KHDRBS3: variants seen among roughly 807,000 people sequenced by gnomAD.
KHDRBS3 encodes the protein KH domain-containing, RNA-binding, signal transduction-associated protein 3.
In KHDRBS3, 23 loss-of-function variants were observed where a neutral mutation model predicts 45.6. The observed-to-expected ratio is 0.50, with a 90% CI of 0.36 to 0.72. KHDRBS3 has a LOEUF of 0.72. Among genes scored for constraint, KHDRBS3 ranks in the 30% least tolerant of loss-of-function variants. The pLI is 0.00. For missense variants in KHDRBS3, 352 were observed against 424.8 expected (o/e 0.83, Z 1.51); for synonymous variants, 162 against 156.5 (o/e 1.04, Z -0.26).
Position 135,542,675 on chromosome 8 carries a change from T to C in KHDRBS3, c.229T>C (p.Leu77=), listed in dbSNP as rs1451381446. ...FPKFNFVGKL[L]GPRGNSLKRL... is the part of the protein sequence containing the mutation. The stretch of plus-strand genomic sequence containing the variant: ...CTAGTTCAACTTTGTGGGGAAACTT[T>C]TGGGTCCACGTGGCAATTCTCTGAA... The change falls in exon 3 of 9, where the codon TTG becomes CTG. Residue 77 remains leucine, a synonymous_variant. Coordinates refer to ENST00000355849, the MANE Select transcript of KHDRBS3 (RefSeq NM_006558.3). 3 of 1,613,288 alleles carry C rather than the reference T, an allele frequency of 1.9e-6. No individual in the cohort carries two copies. Among genetic ancestry groups the C allele is most frequent in the African/African-American group, 1.3e-5 (1 of 74,906 alleles).
chr8:135,535,858 G>A (rs1304055731), intron 2 of KHDRBS3, among the ~76,000 whole-genome samples: 1 of 152,164 alleles, frequency 6.6e-6, no homozygotes, highest in Non-Finnish European at 1.5e-5. Context: ...CTGCTTCTAA[G>A]ATGGTGCCTT....
At chr8:135,625,769 G>A in intron 7 of KHDRBS3, 1 of 764,656 alleles carries the variant, frequency 1.3e-6, no homozygotes, top group Non-Finnish European at 2.4e-6. Context: ...AGTTCTGGAT[G>A]CACCCGTGTT....
chr8:135,485,291 G>T (rs1267159980), intron 1 of KHDRBS3, among the ~76,000 whole-genome samples: 1 of 152,188 alleles, frequency 6.6e-6, no homozygotes, highest in African/African-American at 2.4e-5. Context: ...AAAGTGCTCT[G>T]GGAAGAGAAA....
At chr8:135,534,950 A>G (rs967840831) in intron 2 of KHDRBS3, among the ~76,000 whole-genome samples, 8 of 152,308 alleles carry the variant, frequency 5.3e-5, no homozygotes, top group Middle Eastern at 3.4e-3. Context: ...AACCAGCAGG[A>G]ACTGAGGTCC....
intron 4 of KHDRBS3, among the ~76,000 whole-genome samples, chr8:135,552,422 T>C (rs1475162041): frequency 6.6e-6 from 1 of 152,232 alleles, no homozygotes; most frequent in Non-Finnish European, 1.5e-5. Context: ...TTTTCATTGT[T>C]GGCAATACGC....
intron 5 of KHDRBS3, among the ~76,000 whole-genome samples, chr8:135,568,591 ACT>A (rs934191539): frequency 1.3e-5 from 2 of 152,304 alleles, no homozygotes; most frequent in African/African-American, 2.4e-5. Context: ...CCCAAAAGAA[ACT>A]CTGAGCTAAG....
At chr8:135,473,621 G>A (rs534405708) in intron 1 of KHDRBS3, among the ~76,000 whole-genome samples, 1 of 152,300 alleles carries the variant, frequency 6.6e-6, no homozygotes, top group African/African-American at 2.4e-5. Flanking sequence ...TTGGACAGGA[G>A]CAGGCTCACT....
chr8:135,580,249 A>G (rs1209775416), intron 5 of KHDRBS3, among the ~76,000 whole-genome samples: 2 of 152,182 alleles, frequency 1.3e-5, no homozygotes, highest in Non-Finnish European at 2.9e-5. Context: ...GGCACTTCCA[A>G]TGACCAGCCC....
At chr8:135,629,520 G>T (rs1486844227) in intron 7 of KHDRBS3, among the ~76,000 whole-genome samples, 1 of 152,202 alleles carries the variant, frequency 6.6e-6, no homozygotes, top group African/African-American at 2.4e-5. Context: ...GCCTGCCCGA[G>T]CTTACCCTGC....
intron 1 of KHDRBS3, among the ~76,000 whole-genome samples, chr8:135,462,888 G>A (rs1427491726): frequency 2.0e-5 from 3 of 152,212 alleles, no homozygotes; most frequent in African/African-American, 7.2e-5. Context: ...GGTATAATTA[G>A]TGAATGATAG....
chr8:135,491,191 T>C (rs1234247169), intron 1 of KHDRBS3, among the ~76,000 whole-genome samples: 1 of 152,188 alleles, frequency 6.6e-6, no homozygotes, highest in Non-Finnish European at 1.5e-5. Flanking sequence ...GTTGGGTTTT[T>C]TTGTATGTGT....
intron 5 of KHDRBS3, among the ~76,000 whole-genome samples, chr8:135,569,127 C>A (rs1311866452): frequency 6.6e-6 from 1 of 151,924 alleles, no homozygotes. Flanking sequence ...ATGCCTCAAC[C>A]GTTTTTATTC....
chr8:135,531,873 A>G (rs1825496336), intron 2 of KHDRBS3, among the ~76,000 whole-genome samples: 1 of 152,154 alleles, frequency 6.6e-6, no homozygotes, highest in East Asian at 1.9e-4. Flanking sequence ...TTACTTGGGC[A>G]TGGAATTGTA....
chr8:135,549,126 G>T, intron 4 of KHDRBS3: 2 of 333,670 alleles, frequency 6.0e-6, no homozygotes, highest in East Asian at 4.5e-5. Flanking sequence ...TATGGCCAAG[G>T]TTACATGGCT....
intron 5 of KHDRBS3, among the ~76,000 whole-genome samples, chr8:135,558,546 G>A (rs1180571264): frequency 6.6e-6 from 1 of 152,112 alleles, no homozygotes; most frequent in East Asian, 1.9e-4. Context: ...GAGCAGTTAT[G>A]CAAGAAACAT....
At chr8:135,615,128 G>A (rs369457711) in intron 7 of KHDRBS3, among the ~76,000 whole-genome samples, 4 of 151,682 alleles carry the variant, frequency 2.6e-5, no homozygotes, top group African/African-American at 7.3e-5. Context: ...CATGGGTGGC[G>A]TGTTCTTGCT....
intron 7 of KHDRBS3, among the ~76,000 whole-genome samples, chr8:135,609,852 G>C (rs1829638033): frequency 6.6e-6 from 1 of 151,718 alleles, no homozygotes. Flanking sequence ...GATGTTTATG[G>C]TTCGATTCAT....
chr8:135,645,367 G>A (rs1238040245), intron 8 of KHDRBS3, among the ~76,000 whole-genome samples: 3 of 152,134 alleles, frequency 2.0e-5, no homozygotes, highest in Admixed American at 2.0e-4. Context: ...GTTGGTCGCC[G>A]TGTGCTGATT....
chr8:135,590,267 A>C (rs1414704896), intron 6 of KHDRBS3, among the ~76,000 whole-genome samples: 1 of 152,224 alleles, frequency 6.6e-6, no homozygotes. Flanking sequence ...TGGTATTAAA[A>C]TCTTACGGCT....
Sources: allele counts gnomAD v4.1 joint callset (sites outside exome capture counted in the v4.1 genomes callset), GRCh38; gene constraint gnomAD v4.1.1; transcripts MANE v1.5; gene names NCBI Gene and HGNC (gene_info 2026-07-23, HGNC 2026-07-21).